Variants in HTR1F observed in about 807,000 individuals in gnomAD.
The protein encoded by HTR1F is 5-hydroxytryptamine (serotonin) receptor 1F, G protein-coupled.
A neutral mutation model predicts 24.0 loss-of-function variants in HTR1F; 17 were observed. The observed-to-expected ratio is 0.71, with a 90% CI of 0.48 to 1.06. The LOEUF (loss-of-function observed/expected upper bound fraction) is 1.06. Ranked by LOEUF, HTR1F falls within the 50% of genes least tolerant of loss-of-function variation. The pLI is 0.00. For synonymous variants in HTR1F, 186 were observed against 156.8 expected, an observed-to-expected ratio of 1.19 and a Z score of -1.39; for missense variants, 391 against 427.8, an observed-to-expected ratio of 0.91 and a Z score of 0.76.
chr3:87,936,323 T>C (rs1410321387), intron 2 of HTR1F, among the ~76,000 whole-genome samples: 1 of 152,240 alleles, frequency 6.6e-6, no homozygotes, highest in Non-Finnish European at 1.5e-5. Context: ...TATAGGAAGT[T>C]AAGCAAAGAT....
intron 2 of HTR1F, among the ~76,000 whole-genome samples, chr3:87,860,990 C>T (rs1466803787): frequency 6.6e-6 from 1 of 152,092 alleles, no homozygotes; most frequent in Non-Finnish European, 1.5e-5. Flanking sequence ...AACACCATCT[C>T]TACTAATAAT....
intron 2 of HTR1F, among the ~76,000 whole-genome samples, chr3:87,829,770 GTTAC>G (rs892862193): frequency 2.6e-5 from 4 of 152,106 alleles, no homozygotes; most frequent in African/African-American, 7.2e-5. Context: ...AAATAATGAT[GTTAC>G]TTAATAAAAT....
intron 2 of HTR1F, among the ~76,000 whole-genome samples, chr3:87,914,349 C>A (rs997408288): frequency 6.6e-6 from 1 of 152,106 alleles, no homozygotes; most frequent in Non-Finnish European, 1.5e-5. Context: ...GCCTCCTGGC[C>A]AGAACTCGGC....
chr3:87,990,997 A>G lies in HTR1F; in HGVS notation c.248A>G (p.Tyr83Cys). ...AVLVMPFSIV[Y>C]IVRESWIMGQ... is the part of the protein sequence containing the mutation. ...CTGGTGATGCCCTTCAGCATTGTGT[A>G]TATTGTGAGAGAGAGCTGGATTATG... The change falls in exon 3 of 3, where the codon TAT (tyrosine) becomes TGT (cysteine). Residue 83 changes from tyrosine to cysteine, a missense_variant. Physicochemically the swap from Tyr to Cys is radical, Grantham distance 194. Coordinates refer to ENST00000319595, the MANE Select transcript of HTR1F (RefSeq NM_001322209.2). 1 of 1,614,120 alleles carries G rather than the reference A, an allele frequency of 6.2e-7. No individual in the cohort carries two copies. Among genetic ancestry groups the G allele is most frequent in the Non-Finnish European group, 8.5e-7 (1 of 1,180,022 alleles).
intron 1 of HTR1F, among the ~76,000 whole-genome samples, chr3:87,810,261 C>G (rs1704138523): frequency 6.6e-6 from 1 of 152,098 alleles, no homozygotes; most frequent in South Asian, 2.1e-4. Flanking sequence ...TATAGCCTGA[C>G]AGGAAGTGGA....
chr3:87,868,519 A>G (rs374466483), intron 2 of HTR1F, among the ~76,000 whole-genome samples: 53 of 152,080 alleles, frequency 3.5e-4, no homozygotes, highest in African/African-American at 1.2e-3. Flanking sequence ...GACATTTAGT[A>G]TCTTTGAATA....
At chr3:87,841,698 G>A (rs1704807401) in intron 2 of HTR1F, among the ~76,000 whole-genome samples, 1 of 151,452 alleles carries the variant, frequency 6.6e-6, no homozygotes, top group Admixed American at 6.6e-5. Context: ...TCAAGAGTTC[G>A]AGACCAGCCT....
At chr3:87,905,654 G>A (rs1703650650) in intron 2 of HTR1F, among the ~76,000 whole-genome samples, 1 of 151,158 alleles carries the variant, frequency 6.6e-6, no homozygotes. Flanking sequence ...ATTTGTCTAT[G>A]TTTTGTGTGA....
chr3:87,941,491 C>A (rs768298851), intron 2 of HTR1F, among the ~76,000 whole-genome samples: 6 of 152,098 alleles, frequency 3.9e-5, no homozygotes, highest in Non-Finnish European at 7.4e-5. Flanking sequence ...GCTTGGGTGG[C>A]TTGATGGCAC....
At chr3:87,987,300 T>A (rs1181768738) in intron 2 of HTR1F, among the ~76,000 whole-genome samples, 1 of 151,998 alleles carries the variant, frequency 6.6e-6, no homozygotes, top group Non-Finnish European at 1.5e-5. Context: ...TACTAATACA[T>A]CTTGTTGGTT....
At chr3:87,845,408 C>CA (rs534394784) in intron 2 of HTR1F, among the ~76,000 whole-genome samples, 88 of 150,308 alleles carry the variant, frequency 5.9e-4, no homozygotes, top group Middle Eastern at 6.9e-3. Context: ...AATCAATGTG[C>CA]AAAAATCACA....
chr3:87,798,636 CACTCCCATTA>C (rs1703945254), intron 1 of HTR1F, among the ~76,000 whole-genome samples: 1 of 152,014 alleles, frequency 6.6e-6, no homozygotes, highest in African/African-American at 2.4e-5. Context: ...CCAGCTCCTC[CACTCCCATTA>C]ACTCCTCTCC....
intron 2 of HTR1F, among the ~76,000 whole-genome samples, chr3:87,838,299 T>A (rs1468823138): frequency 6.6e-6 from 1 of 152,086 alleles, no homozygotes; most frequent in Non-Finnish European, 1.5e-5. Flanking sequence ...AGTGTCAGAA[T>A]AAACATTTTC....
intron 2 of HTR1F, among the ~76,000 whole-genome samples, chr3:87,932,599 G>A (rs1490516029): frequency 6.6e-6 from 1 of 152,128 alleles, no homozygotes; most frequent in East Asian, 1.9e-4. Context: ...TTGGTAGCTT[G>A]ATGGGGATGG....
rs1156680752 is a variant in HTR1F, at chr3:87,839,146, T to C, written c.-43+17022T>C. Among the ~76,000 whole-genome samples the C allele has an allele frequency of 2.0e-5, 3 of 151,970 alleles. No individual in the cohort carries two copies. In the East Asian group the frequency reaches 5.8e-4, roughly 29 times the overall value. ...TCAAAAAAATCATTGCCTAGATCAA[T>C]GTCATGGAGCTTTTCTGTATGTTTT... is the stretch of plus-strand genomic sequence containing the variant. On this transcript the variant is annotated intron_variant, in intron 2 of 2. Coordinates refer to ENST00000319595, the MANE Select transcript of HTR1F (RefSeq NM_001322209.2).
intron 1 of HTR1F, among the ~76,000 whole-genome samples, chr3:87,817,624 T>A (rs528274585): frequency 6.6e-6 from 1 of 152,320 alleles, no homozygotes; most frequent in South Asian, 2.1e-4. Flanking sequence ...ACCAACACTT[T>A]TGGCAATACT....
intron 2 of HTR1F, among the ~76,000 whole-genome samples, chr3:87,924,857 G>A (rs929992301): frequency 2.0e-5 from 3 of 151,990 alleles, no homozygotes; most frequent in African/African-American, 7.2e-5. Flanking sequence ...GGACATTTTG[G>A]GGTTCAATCT....
At chr3:87,926,903 A>C (rs563756717) in intron 2 of HTR1F, among the ~76,000 whole-genome samples, 1 of 152,144 alleles carries the variant, frequency 6.6e-6, no homozygotes, top group African/African-American at 2.4e-5. Flanking sequence ...ATTTCTCCTC[A>C]GGATCTACTG....
intron 2 of HTR1F, among the ~76,000 whole-genome samples, chr3:87,860,899 T>C (rs1350320232): frequency 6.6e-6 from 1 of 152,310 alleles, no homozygotes; most frequent in East Asian, 1.9e-4. Flanking sequence ...GGCTCATGCC[T>C]GTAATCCCAG....
Sources: allele counts gnomAD v4.1 joint callset (sites outside exome capture counted in the v4.1 genomes callset), GRCh38; gene constraint gnomAD v4.1.1; transcripts MANE v1.5; gene names NCBI Gene and HGNC (gene_info 2026-07-23, HGNC 2026-07-21).